CEP85L: variants seen among roughly 807,000 people sequenced by gnomAD.
CEP85L encodes the protein centrosomal protein 85L.
CEP85L carries 60 observed loss-of-function variants against 100.3 expected under a neutral mutation model. That is an observed-to-expected ratio of 0.60 (90% CI 0.49 to 0.74). CEP85L has a LOEUF of 0.74. Ranked by LOEUF, CEP85L falls within the 30% of genes least tolerant of loss-of-function variation. The pLI is 0.00. For missense variants in CEP85L, 973 were observed against 936.2 expected (o/e 1.04, Z -0.51); for synonymous variants, 319 against 322.7 (o/e 0.99, Z 0.12).
chr6:118,576,799 T>C (rs1780263317), intron 2 of CEP85L, among the ~76,000 whole-genome samples: 1 of 152,128 alleles, frequency 6.6e-6, no homozygotes, highest in Non-Finnish European at 1.5e-5. Context: ...TACTTATCCA[T>C]TGTAAAAATT....
chr6:118,489,718 A>G (rs569033199), intron 6 of CEP85L, among the ~76,000 whole-genome samples: 10 of 152,288 alleles, frequency 6.6e-5, no homozygotes, highest in African/African-American at 2.4e-4. Flanking sequence ...TACAGCTGCT[A>G]TGGGAATCTG....
In CEP85L at chr6:118,479,865, C is replaced by T. The variant is rs776273671; in HGVS notation, c.1914+6G>A. ...TAAATTAAAATAAGCACAAAATATT[C>T]CTTACCTGAATTTCTAAAATCATTC... On this transcript the variant is annotated splice_donor_region_variant and intron_variant, in intron 10 of 12. Transcript: ENST00000368491. 4.3e-5 allele frequency: 63 copies of T among 1,465,644 alleles called. No individual in the cohort carries two copies. Among genetic ancestry groups the T allele is most frequent in the Non-Finnish European group, 5.8e-5 (62 of 1,070,220 alleles). The allele number at this position is 1,465,644 out of a possible 1,614,324, so 90.8% of individuals were successfully genotyped here. A position where few individuals can be genotyped will look rare whatever the true frequency, so the allele number is the denominator to read the frequency against.
chr6:118,540,867 C>T (rs1024376987), intron 3 of CEP85L, among the ~76,000 whole-genome samples: 2 of 152,184 alleles, frequency 1.3e-5, no homozygotes, highest in Non-Finnish European at 2.9e-5. Flanking sequence ...ATCTGCACAA[C>T]TAATTTTAGT....
Position 118,462,503 on chromosome 6 carries a change from C to CT in CEP85L, c.*2901dup, listed in dbSNP as rs1772284893. 6 of 151,944 alleles carry CT rather than the reference C, an allele frequency of 3.9e-5. No individual in the cohort carries two copies. The highest frequency in any genetic ancestry group is 1.4e-4 in the African/African-American group (6 of 41,412). 9.4% of individuals were successfully genotyped at this position (151,944 alleles called of 1,614,324 possible). A position where few individuals can be genotyped will look rare whatever the true frequency, so the allele number is the denominator to read the frequency against. Reference sequence around the variant, plus strand: ...TGTGATTGAGGCTGAATAAGCTCAACTTTAAAACCCAAAAGAACAAAATAT... The same window carrying CT: ...TGTGATTGAGGCTGAATAAGCTCAACTTTTAAAACCCAAAAGAACAAAATAT... On this transcript the variant is annotated 3_prime_UTR_variant, in exon 13 of 13. Coordinates refer to ENST00000368491, the MANE Select transcript of CEP85L (RefSeq NM_001042475.3).
intron 8 of CEP85L, 89 bp from the exon 9 acceptor site, chr6:118,480,602 A>AGGTCAGTAG: frequency 1.2e-6 from 1 of 808,768 alleles, no homozygotes; most frequent in Non-Finnish European, 2.0e-6. Context: ...TGCTTTATTA[A>AGGTCAGTAG]AAAATATTAT....
chr6:118,624,217 T>C (rs1773639930), intron 2 of CEP85L, among the ~76,000 whole-genome samples: 1 of 152,316 alleles, frequency 6.6e-6, no homozygotes, highest in African/African-American at 2.4e-5. Flanking sequence ...AAAGCCTACA[T>C]GGATCTTTGA....
At chr6:118,659,742 C>T (rs1290180617) in intron 1 of CEP85L, among the ~76,000 whole-genome samples, 1 of 152,192 alleles carries the variant, frequency 6.6e-6, no homozygotes, top group Non-Finnish European at 1.5e-5. Flanking sequence ...CTGGTTCTGG[C>T]CCAGGCCCAA....
chr6:118,481,383 T>C (rs1030674938), intron 8 of CEP85L, among the ~76,000 whole-genome samples: 6 of 152,258 alleles, frequency 3.9e-5, no homozygotes, highest in African/African-American at 1.4e-4. Context: ...AAATTATAAC[T>C]GAGATAACCT....
rs185732895 is a variant in CEP85L at position 118,469,103 on chromosome 6, C to A, written c.2223G>T (p.Glu741Asp). 3.1e-5 allele frequency: 50 copies of A among 1,613,552 alleles called. No homozygotes were observed. In the African/African-American group the frequency reaches 6.4e-4, roughly 21 times the overall value. ...TTCCCAGTAATAATGAAAGATTAGG[C>A]TCCTTGCCCTGAGCACGCTGATTAA... ...SILNQRAQGK[E>D]PNLSLLLGIR... Residue 741 changes from glutamate to aspartate, a missense_variant, in exon 12 of 13, where the codon GAG (glutamate) becomes GAT (aspartate). Physicochemically the swap from Glu to Asp is conservative, Grantham distance 45. Around this residue, in one of 3 missense-constraint regions of CEP85L, gnomAD observed 890 missense variants for 844.5 expected, o/e 1.05. Transcript: ENST00000368491.
At chr6:118,549,692 A>G (rs1047951450) in intron 3 of CEP85L, among the ~76,000 whole-genome samples, 2 of 151,844 alleles carry the variant, frequency 1.3e-5, no homozygotes, top group Admixed American at 1.3e-4. Context: ...AAAGTCATTC[A>G]GTGTAGGTGT....
chr6:118,514,527 A>C (rs1187870453), intron 4 of CEP85L, among the ~76,000 whole-genome samples: 1 of 140,472 alleles, frequency 7.1e-6, no homozygotes, highest in East Asian at 2.0e-4. Flanking sequence ...ACTGTCTCAA[A>C]AAAAAAAAAA....
intron 1 of CEP85L, among the ~76,000 whole-genome samples, chr6:118,670,668 G>C (rs1349776244): frequency 6.6e-6 from 1 of 152,148 alleles, no homozygotes; most frequent in Non-Finnish European, 1.5e-5. Context: ...CCAAAACCTT[G>C]AACAAGAAAA....
At chr6:118,651,782 G>T (rs1179674598), upstream of CEP85L, 2 of 755,370 alleles carry the variant, frequency 2.6e-6, no homozygotes, top group East Asian at 1.4e-4. Context: ...CCGCCCTCCC[G>T]CCGCATCCCT....
At chr6:118,519,584 C>CGGGG (rs56347032) in intron 4 of CEP85L, among the ~76,000 whole-genome samples, 9 of 2,722 alleles carry the variant, frequency 3.3e-3, no homozygotes, top group Middle Eastern at 0.25. Flanking sequence ...GTGTGTGTGG[C>CGGGG]GGGGGGGGGG....
At chr6:118,548,951 T>G (rs1778371171) in intron 3 of CEP85L, among the ~76,000 whole-genome samples, 1 of 151,990 alleles carries the variant, frequency 6.6e-6, no homozygotes, top group Non-Finnish European at 1.5e-5. Flanking sequence ...ACTTTTAAAG[T>G]GCCCTTGAGG....
At chr6:118,517,686 G>A (rs1776362284) in intron 4 of CEP85L, among the ~76,000 whole-genome samples, 2 of 152,236 alleles carry the variant, frequency 1.3e-5, no homozygotes, top group South Asian at 4.1e-4. Context: ...TCTGCAAACA[G>A]AGACAATTTG....
upstream of CEP85L, chr6:118,652,532 C>G (rs1407534242): frequency 7.2e-7 from 1 of 1,398,022 alleles, no homozygotes; most frequent in East Asian, 2.8e-5. Context: ...TAAGTCGGAA[C>G]GCAGGTCGCT....
At chr6:118,468,647 G>A (rs752881805) in intron 12 of CEP85L, among the ~76,000 whole-genome samples, 6 of 151,892 alleles carry the variant, frequency 4.0e-5, no homozygotes, top group Admixed American at 6.6e-5. Context: ...TGGCACTCAC[G>A]TGAAGCAGCT....
intron 2 of CEP85L, among the ~76,000 whole-genome samples, chr6:118,612,676 CGGGGGGG>C (rs55782430): frequency 0.39 from 29,864 of 77,002 alleles, 7,819 homozygotes; most frequent in East Asian, 0.51. Context: ...AAAAAAAAAG[CGGGGGGG>C]GGGGGGGGGG....
Sources: gnomAD v4.1 joint callset for allele counts (sites outside exome capture counted in the v4.1 genomes callset) on GRCh38, gnomAD v4.1.1 for gene constraint, gnomAD v4.1.1 regional missense constraint, MANE v1.5 for transcripts, NCBI Gene and HGNC (gene_info 2026-07-23, HGNC 2026-07-21) for gene names.